SDHAF3: variants seen among roughly 807,000 people sequenced by gnomAD.
SDHAF3 encodes succinate dehydrogenase assembly factor 3, mitochondrial.
SDHAF3 carries 18 observed loss-of-function variants against 11.5 expected under a neutral mutation model. That is an observed-to-expected ratio of 1.56 (90% CI 1.08 to 2.32). The LOEUF is 2.32. Among genes scored for constraint, SDHAF3 ranks in the 30% most tolerant of loss-of-function variants. SDHAF3 has a pLI of 0.00. For synonymous variants in SDHAF3, 72 were observed against 59.3 expected (o/e 1.21, Z -0.99); for missense variants, 200 against 154.4 (o/e 1.30, Z -1.57).
At chr7:97,120,611 C>T (rs779383128) in intron 1 of SDHAF3, among the ~76,000 whole-genome samples, 13 of 151,678 alleles carry the variant, frequency 8.6e-5, no homozygotes, top group Non-Finnish European at 1.3e-4. Flanking sequence ...AACTTGGCAC[C>T]TGTTGTTTGA....
intron 1 of SDHAF3, among the ~76,000 whole-genome samples, chr7:97,150,881 A>G (rs1181337031): frequency 1.3e-5 from 2 of 151,954 alleles, no homozygotes; most frequent in East Asian, 3.9e-4. Context: ...TTTTCTGATC[A>G]GTAGTCTGAA....
intron 1 of SDHAF3, among the ~76,000 whole-genome samples, chr7:97,151,045 T>A: frequency 6.6e-6 from 1 of 152,128 alleles, no homozygotes; most frequent in African/African-American, 2.4e-5. Context: ...ATTTTCCATA[T>A]ACCTTCTGCC....
intron 1 of SDHAF3, among the ~76,000 whole-genome samples, chr7:97,180,042 A>G (rs1789747085): frequency 6.6e-6 from 1 of 152,234 alleles, no homozygotes; most frequent in African/African-American, 2.4e-5. Context: ...GATTAATTTT[A>G]GAGTGAGTCT....
chr7:97,169,813 ATTTTC>A (rs1039247392), intron 1 of SDHAF3, among the ~76,000 whole-genome samples: 3 of 152,050 alleles, frequency 2.0e-5, no homozygotes, highest in Admixed American at 6.6e-5. Flanking sequence ...TTTTTGTTCT[ATTTTC>A]TTAACTATTA....
intron 1 of SDHAF3, among the ~76,000 whole-genome samples, chr7:97,157,898 G>A (rs551890003): frequency 6.9e-6 from 1 of 145,296 alleles, no homozygotes; most frequent in African/African-American, 2.6e-5. Context: ...CTCACTCATA[G>A]GTGGGAATTG....
intron 1 of SDHAF3, among the ~76,000 whole-genome samples, chr7:97,121,976 G>T (rs1165796402): frequency 6.6e-6 from 1 of 151,448 alleles, no homozygotes; most frequent in African/African-American, 2.4e-5. Context: ...TCCTGCCTCA[G>T]CCTCCTGAGT....
chr7:97,175,267 C>T (rs947390498), intron 1 of SDHAF3, among the ~76,000 whole-genome samples: 8 of 152,064 alleles, frequency 5.3e-5, no homozygotes, highest in African/African-American at 1.9e-4. Flanking sequence ...ATTAAACTGA[C>T]ACTTTTTTAG....
At chr7:97,129,563 C>G (rs189901917) in intron 1 of SDHAF3, among the ~76,000 whole-genome samples, 30 of 152,154 alleles carry the variant, frequency 2.0e-4, no homozygotes, top group African/African-American at 7.2e-4. Context: ...CGTGATATCC[C>G]CAGTCTGCCA....
At position 97,117,860 on chromosome 7, in the gene SDHAF3, G is replaced by T; in HGVS notation, c.137G>T (p.Gly46Val). Residue 46 changes from glycine (G) to valine (V), a missense_variant, in exon 1 of 2, where the codon GGT (glycine) becomes GTT (valine). Transcript: ENST00000432641. ...GAATTTAGGAGACATAAGACCGTTG[G>T]TTCTGACGAGGCACAGCGTTTCTTG... The part of the protein sequence containing the change: ...KDEFRRHKTV[G>V]SDEAQRFLQE... The T allele has an allele frequency of 6.2e-7, 1 of 1,614,232 alleles. No homozygotes were observed. Among genetic ancestry groups the T allele is most frequent in the Non-Finnish European group, 8.5e-7 (1 of 1,180,028 alleles).
chr7:97,168,016 A>G (rs545993513), intron 1 of SDHAF3, among the ~76,000 whole-genome samples: 79 of 152,272 alleles, frequency 5.2e-4, no homozygotes, highest in Non-Finnish European at 9.9e-4. Flanking sequence ...AATGGGGTAG[A>G]GCCACCAGGA....
chr7:97,149,098 T>G (rs1348272168), intron 1 of SDHAF3, among the ~76,000 whole-genome samples: 1 of 152,056 alleles, frequency 6.6e-6, no homozygotes, highest in Non-Finnish European at 1.5e-5. Flanking sequence ...CCTGGCTATT[T>G]TTTTTCTATT....
At chr7:97,142,800 T>G (rs1789072698) in intron 1 of SDHAF3, 1 of 151,980 alleles carries the variant, frequency 6.6e-6, no homozygotes, top group African/African-American at 2.4e-5. Flanking sequence ...ACAGAGTGTC[T>G]GCATGCAGTT....
At position 97,135,700 on chromosome 7, in the gene SDHAF3, T is replaced by G. The variant is rs1311611988; in HGVS notation, c.174+17803T>G. On this transcript the variant is annotated intron_variant, in intron 1 of 1. Coordinates refer to ENST00000432641, the MANE Select transcript of SDHAF3 (RefSeq NM_020186.3). ...TATATATATTTTTTTTTTTTTTTTT[T>G]TTTGGGAGACAGAGTCTCACTCTGT... The G allele has an allele frequency of 2.2e-5, 3 of 138,600 alleles. No individual in the cohort carries two copies. The East Asian group carries it at 6.1e-4, about 28-fold the overall frequency. 8.6% of individuals were successfully genotyped at this position (138,600 alleles called of 1,614,324 possible).
intron 1 of SDHAF3, among the ~76,000 whole-genome samples, chr7:97,133,254 A>C (rs1458976641): frequency 6.6e-6 from 1 of 152,194 alleles, no homozygotes; most frequent in Non-Finnish European, 1.5e-5. Context: ...CTTTATGTAC[A>C]TTTATGTCAG....
In SDHAF3 at chr7:97,173,451, G is replaced by T. The variant is rs962625358; in HGVS notation, c.175-7561G>T. Among the ~76,000 whole-genome samples the T allele has an allele frequency of 4.0e-5, 6 of 151,758 alleles. No homozygotes were observed. The East Asian group carries it at 1.2e-3, about 29-fold the overall frequency. On this transcript the variant is annotated intron_variant, in intron 1 of 1. Coordinates refer to ENST00000432641, the MANE Select transcript of SDHAF3 (RefSeq NM_020186.3). Reference sequence around the variant, plus strand: ...CCCCCACTTATTTCTCTTTCTCCCAGATTTTTAAATCACAAACATAAAATT... The same window carrying T: ...CCCCCACTTATTTCTCTTTCTCCCATATTTTTAAATCACAAACATAAAATT...
At chr7:97,120,016 T>TA (rs1309961851) in intron 1 of SDHAF3, among the ~76,000 whole-genome samples, 1 of 152,150 alleles carries the variant, frequency 6.6e-6, no homozygotes, top group Non-Finnish European at 1.5e-5. Flanking sequence ...ACTGTAAACT[T>TA]ACTATTTTCT....
intron 1 of SDHAF3, among the ~76,000 whole-genome samples, chr7:97,127,897 GTTTTTTT>G (rs920829054): frequency 5.6e-5 from 6 of 106,262 alleles, no homozygotes; most frequent in South Asian, 3.1e-4. Flanking sequence ...TCTACATCAA[GTTTTTTT>G]TTTTTTTTTT....
intron 1 of SDHAF3, among the ~76,000 whole-genome samples, chr7:97,165,328 A>G (rs974886368): frequency 6.9e-6 from 1 of 144,788 alleles, no homozygotes; most frequent in Non-Finnish European, 1.5e-5. Flanking sequence ...ACTTCACATC[A>G]ATTAAGGTAT....
At chr7:97,174,816 G>A (rs1562832410) in intron 1 of SDHAF3, among the ~76,000 whole-genome samples, 1 of 152,180 alleles carries the variant, frequency 6.6e-6, no homozygotes, top group Non-Finnish European at 1.5e-5. Context: ...TTTCATTGAG[G>A]TGGTATCTTT....
Sources: gnomAD v4.1 joint callset for allele counts (sites outside exome capture counted in the v4.1 genomes callset) on GRCh38, gnomAD v4.1.1 for gene constraint, MANE v1.5 for transcripts, NCBI Gene and HGNC (gene_info 2026-07-23, HGNC 2026-07-21) for gene names.